NUP42: variants seen among roughly 807,000 people sequenced by gnomAD.
NUP42 encodes nucleoporin 42, also known as nucleoporin NUP42.
Under a neutral mutation model 35.9 loss-of-function variants are expected in NUP42, and 47 were observed. The ratio of observed to expected loss-of-function variants is 1.31; its 90% CI spans 1.04 to 1.67. The LOEUF (loss-of-function observed/expected upper bound fraction) is 1.67, where lower values mean the gene tolerates loss of function less well. Among genes scored for constraint, NUP42 ranks in the 40% most tolerant of loss-of-function variants. NUP42 has a pLI of 0.00. For missense variants in NUP42, 514 were observed against 492.2 expected (o/e 1.04, Z -0.42); for synonymous variants, 173 against 173.3 (o/e 1.00, Z 0.01).
chr7:23,188,036 C>A, intron 3 of NUP42: 2 of 1,384,552 alleles, frequency 1.4e-6, no homozygotes, highest in Non-Finnish European at 1.9e-6. Flanking sequence ...TCCATAGTCC[C>A]TAAGCCCTTT....
intron 3 of NUP42, chr7:23,187,389 T>C (rs1785628927): frequency 3.4e-6 from 1 of 293,698 alleles, no homozygotes; most frequent in Admixed American, 4.9e-5. Context: ...AGGAAGAGAC[T>C]CTACGTTCTT....
chr7:23,197,375 T>C, intron 5 of NUP42: 1 of 374,030 alleles, frequency 2.7e-6, no homozygotes, highest in Admixed American at 3.4e-5. Flanking sequence ...TGTATAAGGA[T>C]ATGAGAGTAA....
intron 3 of NUP42, among the ~76,000 whole-genome samples, chr7:23,188,930 T>C (rs1785695238): frequency 6.6e-6 from 1 of 152,256 alleles, no homozygotes; most frequent in South Asian, 2.1e-4. Context: ...AAAAAATGTT[T>C]AATGCCATTT....
At position 23,200,800 on chromosome 7, in the gene NUP42, C is replaced by CATAT. The variant is rs1453740547; in HGVS notation, c.*58_*59insTATA. Reference sequence around the variant, plus strand: ...ATGTTTAAAATTGCTTTGAGTGATTCATACAGAGATGTATATATGCATACA... The same window carrying CATAT: ...ATGTTTAAAATTGCTTTGAGTGATTCATATATACAGAGATGTATATATGCATACA... On this transcript the variant is annotated 3_prime_UTR_variant, in exon 7 of 7. Transcript: ENST00000258742. 1 of 1,167,320 alleles carries CATAT rather than the reference C, an allele frequency of 8.6e-7. No homozygotes were observed. The highest frequency in any genetic ancestry group is 1.2e-6 in the Non-Finnish European group (1 of 831,406). The allele number at this position is 1,167,320 out of a possible 1,614,324, so 72.3% of individuals were successfully genotyped here. A position where few individuals can be genotyped will look rare whatever the true frequency, so the allele number is the denominator to read the frequency against.
chr7:23,184,978 C>T lies in NUP42; in HGVS notation c.122-92C>T, dbSNP rs544558581. 6.7e-4 allele frequency: 721 copies of T among 1,077,394 alleles called. 4 individuals carry two copies. Among genetic ancestry groups the T allele is most frequent in the Non-Finnish European group, 9.1e-4 (687 of 755,610 alleles). 66.7% of individuals were successfully genotyped at this position (1,077,394 alleles called of 1,614,324 possible). A position where few individuals can be genotyped will look rare whatever the true frequency, so the allele number is the denominator to read the frequency against. ...CCAAGATCATGCCACTGTACTCCACCCTGGGCAAAAGAGTGAGACCCTATC... is the reference window on the plus strand; with the variant it reads ...CCAAGATCATGCCACTGTACTCCACTCTGGGCAAAAGAGTGAGACCCTATC... On this transcript the variant is annotated intron_variant, in intron 1 of 6. Transcript: ENST00000258742.
Position 23,200,457 on chromosome 7 carries a change from C to G in NUP42, c.984C>G (p.Val328=), listed in dbSNP as rs1378457930. Residue 328 remains valine, a synonymous_variant, in exon 7 of 7, where the codon GTC becomes GTG. Transcript: ENST00000258742. ...GLPASLATGP[V]RAPVAPAFGG... is the part of the protein sequence containing the mutation. ...CAGCTTCCTTGGCAACAGGTCCTGT[C>G]AGAGCTCCAGTGGCCCCAGCCTTTG... is the stretch of plus-strand genomic sequence containing the variant. 2 of 1,614,214 alleles carry G rather than the reference C, an allele frequency of 1.2e-6. No individual in the cohort carries two copies. Among genetic ancestry groups the G allele is most frequent in the Admixed American group, 3.3e-5 (2 of 60,022 alleles).
intron 3 of NUP42, 39 bp from the exon 4 acceptor site, chr7:23,195,800 G>A (rs1158035737): frequency 7.8e-7 from 1 of 1,289,514 alleles, no homozygotes; most frequent in Non-Finnish European, 1.1e-6. Flanking sequence ...AAAATTATTG[G>A]CATTTATTTT....
At chr7:23,188,766 C>A (rs916377250) in intron 3 of NUP42, among the ~76,000 whole-genome samples, 1 of 152,144 alleles carries the variant, frequency 6.6e-6, no homozygotes, top group Non-Finnish European at 1.5e-5. Flanking sequence ...TGCCTGAGTT[C>A]AAAAATATTT....
intron 1 of NUP42, 157 bp downstream of exon 1, chr7:23,182,363 G>A (rs1785438001): frequency 1.4e-6 from 2 of 1,434,090 alleles, no homozygotes; most frequent in Admixed American, 2.8e-5. Context: ...TTTAAACCGA[G>A]GGTTTTATCT....
intron 3 of NUP42, among the ~76,000 whole-genome samples, chr7:23,191,265 A>C (rs146992777): frequency 6.6e-6 from 1 of 152,314 alleles, no homozygotes; most frequent in African/African-American, 2.4e-5. Flanking sequence ...GAGGGACGTG[A>C]TCTGATTAGA....
rs375191481 is a variant in NUP42 at position 23,193,360 on chromosome 7, G to A, written c.446-2479G>A. 3.4e-4 allele frequency among the ~76,000 whole-genome samples: 52 copies of A among 152,274 alleles called. 2 individuals carry two copies. In the South Asian group the frequency reaches 0.011, roughly 31 times the overall value. On this transcript the variant is annotated intron_variant, in intron 3 of 6. Transcript: ENST00000258742. ...GGTTCATTTTACAGAGAGCCAAGTG[G>A]TCTGTTTTGACAGGGTGCTGATTGG...
intron 4 of NUP42, 96 bp downstream of exon 4, chr7:23,196,011 T>A (rs1786000128): frequency 1.7e-6 from 1 of 573,370 alleles, no homozygotes; most frequent in South Asian, 3.0e-5. Flanking sequence ...ACCGATGAGG[T>A]CTATGATCTT....
intron 3 of NUP42, among the ~76,000 whole-genome samples, chr7:23,193,437 A>G (rs970313593): frequency 6.6e-6 from 1 of 152,146 alleles, no homozygotes; most frequent in African/African-American, 2.4e-5. Context: ...TCCCCACTAG[A>G]TTAGCTAGAT....
At chr7:23,195,308 C>T (rs1785976191) in intron 3 of NUP42, 1 of 152,212 alleles carries the variant, frequency 6.6e-6, no homozygotes, top group African/African-American at 2.4e-5. Context: ...AGCATTTTAT[C>T]TCTATTTTAA....
chr7:23,188,925 AT>A (rs1345042808), intron 3 of NUP42, among the ~76,000 whole-genome samples: 1 of 152,254 alleles, frequency 6.6e-6, no homozygotes, highest in Non-Finnish European at 1.5e-5. Context: ...CAATAAAAAA[AT>A]GTTTAATGCC....
At chr7:23,193,217 C>G (rs2128474062) in intron 3 of NUP42, among the ~76,000 whole-genome samples, 1 of 152,294 alleles carries the variant, frequency 6.6e-6, no homozygotes, top group East Asian at 1.9e-4. Flanking sequence ...AGATTTATTG[C>G]AAACAGCAAA....
chr7:23,199,566 C>T (rs1786137997), intron 6 of NUP42, 24 bp downstream of exon 6: 1 of 1,574,420 alleles, frequency 6.4e-7, no homozygotes, highest in Non-Finnish European at 8.7e-7. Flanking sequence ...TAATGCAGGA[C>T]TTCACTGATT....
chr7:23,200,707 C>A lies in NUP42; in HGVS notation c.1234C>A (p.Pro412Thr). Reference protein sequence around the residue: ...QSKKFTLGKIPLKPPPLELLN... With the variant: ...QSKKFTLGKITLKPPPLELLN... ...CAAGAAATTTACTCTGGGAAAAATTCCATTAAAGCCTCCACCTCTGGAACT... is the reference window on the plus strand; with the variant it reads ...CAAGAAATTTACTCTGGGAAAAATTACATTAAAGCCTCCACCTCTGGAACT... Residue 412 changes from proline (P) to threonine (T), a missense_variant, in exon 7 of 7, where the codon CCA (proline) becomes ACA (threonine). Physicochemically the swap from Pro to Thr is conservative, Grantham distance 38. Transcript: ENST00000258742. 2 of 1,605,080 alleles carry A rather than the reference C, an allele frequency of 1.2e-6. No individual in the cohort carries two copies. The highest frequency in any genetic ancestry group is 2.2e-5 in the South Asian group (2 of 89,192).
chr7:23,198,634 A>G (rs928240518), intron 5 of NUP42, among the ~76,000 whole-genome samples: 1 of 152,226 alleles, frequency 6.6e-6, no homozygotes, highest in African/African-American at 2.4e-5. Context: ...GATTTCAGTA[A>G]GCAGAGATGA....
Sources: allele counts gnomAD v4.1 joint callset (sites outside exome capture counted in the v4.1 genomes callset), GRCh38; gene constraint gnomAD v4.1.1; transcripts MANE v1.5; gene names NCBI Gene and HGNC (gene_info 2026-07-23, HGNC 2026-07-21).